STAU1: variants seen among roughly 807,000 people sequenced by gnomAD.
STAU1 encodes staufen double-stranded RNA binding protein 1.
STAU1 carries 13 observed loss-of-function variants against 62.9 expected under a neutral mutation model. The observed-to-expected ratio is 0.21, with a 90% CI of 0.13 to 0.33. STAU1 has a LOEUF of 0.33. Among genes scored for constraint, STAU1 ranks in the 10% least tolerant of loss-of-function variants. The pLI is 1.00. For missense variants in STAU1, 571 were observed against 712.1 expected (o/e 0.80, Z 2.25); for synonymous variants, 269 against 265.1 (o/e 1.01, Z -0.14).
the STAU1 span, among the ~76,000 whole-genome samples, chr20:49,200,484 A>C: frequency 2.6e-5 from 4 of 151,978 alleles, no homozygotes; most frequent in African/African-American, 4.8e-5. Context: ...GCCTGTAGTC[A>C]CAGCTACTCG....
the STAU1 span, among the ~76,000 whole-genome samples, chr20:49,212,853 C>T: frequency 9.2e-5 from 14 of 151,950 alleles, no homozygotes; most frequent in Non-Finnish European, 1.5e-4. Flanking sequence ...CCACCTTGGC[C>T]TCCCAAAGTG....
At position 49,124,501 on chromosome 20, in the gene STAU1, T is replaced by C. The variant is rs2092545950; in HGVS notation, c.696A>G (p.Lys232=). Residue 232 remains lysine (K), a synonymous_variant, in exon 7 of 14, where the codon AAA becomes AAG. Transcript: ENST00000371856. ...CATTTTTCTTTGAAATCTTCTTGCT[T>C]TTCCCTTCACCTTCCCCCACAAACT... ...VGEFVGEGEG[K]SKKISKKNAA... The C allele has an allele frequency of 1.2e-6, 2 of 1,614,014 alleles. No individual in the cohort carries two copies. Among genetic ancestry groups the C allele is most frequent in the South Asian group, 1.1e-5 (1 of 91,088 alleles).
chr20:49,120,484 A>G (rs1383160862), intron 8 of STAU1, among the ~76,000 whole-genome samples: 1 of 152,234 alleles, frequency 6.6e-6, no homozygotes, highest in Non-Finnish European at 1.5e-5. Context: ...TATTCCCAGC[A>G]TTGCCATTGG....
chr20:49,197,887 T>TTA, the STAU1 span, among the ~76,000 whole-genome samples: 1 of 151,976 alleles, frequency 6.6e-6, no homozygotes, highest in Non-Finnish European at 1.5e-5. Flanking sequence ...TTTTAATTCT[T>TTA]ATTAGAGACA....
At position 49,153,919 on chromosome 20, in the gene STAU1, A is replaced by C. The variant is rs545267837; in HGVS notation, c.344+14T>G. On this transcript the variant is annotated intron_variant, in intron 4 of 13. Transcript: ENST00000371856. ...TCCTGTATTTTACAAAAAAAAAAAA[A>C]AAAAAACACATACCTCGGGGGATAA... 61 of 1,555,630 alleles carry C rather than the reference A, an allele frequency of 3.9e-5. No individual in the cohort carries two copies. The highest frequency in any genetic ancestry group is 3.5e-4 in the Middle Eastern group (2 of 5,740).
At position 49,117,683 on chromosome 20, in the gene STAU1, GA is replaced by G; in HGVS notation, c.1509+93del. ...CATCCCTGGACAGAACTTGATTTAAGAAAAAAGTACAAAGTTCAAAGTTCAT... is the reference window on the plus strand; with the variant it reads ...CATCCCTGGACAGAACTTGATTTAAGAAAAAGTACAAAGTTCAAAGTTCAT... On this transcript the variant is annotated intron_variant, in intron 11 of 13. Transcript: ENST00000371856. The surrounding 1 kb of genome is among the most constrained non-coding windows in gnomAD (Gnocchi z 4.6). 7.3e-7 allele frequency: 1 copy of G among 1,363,750 alleles called. No homozygotes were observed. The allele number at this position is 1,363,750 out of a possible 1,614,324, so 84.5% of individuals were successfully genotyped here.
chr20:49,143,447 G>A (rs748354453), intron 5 of STAU1, among the ~76,000 whole-genome samples: 2 of 152,078 alleles, frequency 1.3e-5, no homozygotes, highest in African/African-American at 2.4e-5. Flanking sequence ...ACAAAAACTA[G>A]CCAGGTGTGG....
At chr20:49,132,186 G>A (rs1023611713) in intron 6 of STAU1, among the ~76,000 whole-genome samples, 1 of 152,074 alleles carries the variant, frequency 6.6e-6, no homozygotes, top group African/African-American at 2.4e-5. Flanking sequence ...CACACCCAAG[G>A]GCAGAGATTC....
chr20:49,128,469 C>A (rs1418880857), intron 6 of STAU1, among the ~76,000 whole-genome samples: 1 of 152,066 alleles, frequency 6.6e-6, no homozygotes, highest in Non-Finnish European at 1.5e-5. Context: ...TTAGAAGGAA[C>A]CGGATCTTCT....
rs1022110835 is a variant in STAU1 at position 49,154,015 on chromosome 20, G to T, written c.262C>A (p.Pro88Thr). 9 of 1,613,340 alleles carry T rather than the reference G, an allele frequency of 5.6e-6. No individual in the cohort carries two copies. Among genetic ancestry groups the T allele is most frequent in the African/African-American group, 2.7e-5 (2 of 74,806 alleles). The change falls in exon 4 of 14, where the codon CCA (proline) becomes ACA (threonine). Residue 88 changes from proline to threonine, a missense_variant. Physicochemically the swap from Pro to Thr is conservative, Grantham distance 38. Transcript: ENST00000371856. The part of the protein sequence containing the change: ...NALCMKLGKK[P>T]MYKPVDPYSR... ...TAAGGGTCAACAGGCTTATACATTGGTTTTTTTCCAAGTTTCATGCACAGT... is the reference window on the plus strand; with the variant it reads ...TAAGGGTCAACAGGCTTATACATTGTTTTTTTTCCAAGTTTCATGCACAGT...
chr20:49,156,303 C>T (rs887813568), intron 3 of STAU1, among the ~76,000 whole-genome samples: 7 of 152,118 alleles, frequency 4.6e-5, no homozygotes, highest in Admixed American at 2.6e-4. Flanking sequence ...TTCCTATGAC[C>T]GCCTTTCCAG....
chr20:49,128,331 C>A (rs895545630), intron 6 of STAU1, among the ~76,000 whole-genome samples: 8 of 152,028 alleles, frequency 5.3e-5, no homozygotes, highest in African/African-American at 1.7e-4. Context: ...TCTCTAAAAT[C>A]AAATAAAATA....
intron 5 of STAU1, among the ~76,000 whole-genome samples, chr20:49,143,738 T>C (rs1208790730): frequency 6.6e-6 from 1 of 152,218 alleles, no homozygotes; most frequent in Non-Finnish European, 1.5e-5. Flanking sequence ...ATTTTACAAA[T>C]AATTTACCAA....
chr20:49,143,743 T>C (rs2093060536), intron 5 of STAU1, among the ~76,000 whole-genome samples: 2 of 152,220 alleles, frequency 1.3e-5, no homozygotes, highest in Non-Finnish European at 2.9e-5. Flanking sequence ...ACAAATAATT[T>C]ACCAAATAAA....
intron 5 of STAU1, among the ~76,000 whole-genome samples, chr20:49,138,324 G>T (rs544402184): frequency 2.0e-5 from 3 of 151,890 alleles, no homozygotes; most frequent in East Asian, 3.9e-4. Context: ...CAAACTCTAG[G>T]TTAAAAAAAT....
At position 49,185,537 on chromosome 20, in the gene STAU1, T is replaced by C. The variant is rs557931246; in HGVS notation, c.-160+2579A>G. 3.3e-5 allele frequency among the ~76,000 whole-genome samples: 5 copies of C among 152,308 alleles called. No individual in the cohort carries two copies. In the East Asian group the frequency reaches 7.7e-4, roughly 23 times the overall value. ...ATGAGAACTATTATTCTACTAAAAG[T>C]AAATTTTGTGACCTTAATCTGGGGC... On this transcript the variant is annotated intron_variant, in intron 1 of 13. Transcript: ENST00000371856.
chr20:49,140,054 C>T (rs951067993), intron 5 of STAU1, among the ~76,000 whole-genome samples: 8 of 151,830 alleles, frequency 5.3e-5, no homozygotes, highest in Middle Eastern at 3.4e-3. Context: ...AGCGTGGTGA[C>T]GCGCACCTGT....
intron 1 of STAU1, among the ~76,000 whole-genome samples, chr20:49,178,676 G>C (rs567544891): frequency 6.6e-6 from 1 of 152,060 alleles, no homozygotes; most frequent in Non-Finnish European, 1.5e-5. Context: ...ACTTGAACCC[G>C]GGAGGCAGAG....
chr20:49,206,421 T>C, the STAU1 span, among the ~76,000 whole-genome samples: 3 of 139,062 alleles, frequency 2.2e-5, no homozygotes, highest in Non-Finnish European at 3.1e-5. Flanking sequence ...CTGGTTTTTT[T>C]TTTTTTTTTT....
Sources: gnomAD v4.1 joint callset for allele counts (sites outside exome capture counted in the v4.1 genomes callset) on GRCh38, gnomAD v4.1.1 for gene constraint, Gnocchi (gnomAD v3.1) non-coding constraint, MANE v1.5 for transcripts, NCBI Gene and HGNC (gene_info 2026-07-23, HGNC 2026-07-21) for gene names.